The following SLC9B2 variants were observed in gnomAD, a reference collection of about 807,000 sequenced individuals.
SLC9B2 encodes the protein solute carrier family 9 member B2, also known as sodium/hydrogen exchanger 9B2.
SLC9B2 carries 39 observed loss-of-function variants against 52.2 expected under a neutral mutation model. That is an observed-to-expected ratio of 0.75 (90% CI 0.58 to 0.98). The LOEUF is 0.98. Ranked by LOEUF, SLC9B2 falls within the 50% of genes least tolerant of loss-of-function variation. SLC9B2 has a pLI of 0.00. For synonymous variants in SLC9B2, 214 were observed against 227.0 expected (o/e 0.94, Z 0.51); for missense variants, 626 against 637.5 (o/e 0.98, Z 0.19).
downstream of SLC9B2, among the ~76,000 whole-genome samples, chr4:103,020,647 T>C (rs574914241): frequency 7.9e-5 from 12 of 152,282 alleles, 1 homozygote; most frequent in Admixed American, 6.5e-4. Context: ...ATTGGTTTTG[T>C]TGACGTTGTT....
Position 103,044,751 on chromosome 4 carries a change from T to C in SLC9B2, c.996+139A>G, listed in dbSNP as rs1313988439. On this transcript the variant is annotated intron_variant, in intron 8 of 11. Coordinates refer to ENST00000394785, the MANE Select transcript of SLC9B2 (RefSeq NM_178833.7). ...TATTGAGCCCACTTCATAAATCTCATGGATAGCAGTAAGCAATTTTAAAAT... is the reference window on the plus strand; with the variant it reads ...TATTGAGCCCACTTCATAAATCTCACGGATAGCAGTAAGCAATTTTAAAAT... 6 of 704,360 alleles carry C rather than the reference T, an allele frequency of 8.5e-6. No homozygotes were observed. In the East Asian group the frequency reaches 1.5e-4, roughly 18 times the overall value. 43.6% of individuals were successfully genotyped at this position (704,360 alleles called of 1,614,324 possible). A position where few individuals can be genotyped will look rare whatever the true frequency, so the allele number is the denominator to read the frequency against.
At chr4:103,029,762 G>A (rs969974242) in intron 10 of SLC9B2, among the ~76,000 whole-genome samples, 5 of 152,110 alleles carry the variant, frequency 3.3e-5, no homozygotes, top group Non-Finnish European at 1.5e-5. Context: ...TTTGTTGAGT[G>A]TTTACTCTGT....
chr4:103,026,249 A>G lies in SLC9B2; in HGVS notation c.*121T>C, dbSNP rs1368127443. 1 of 911,286 alleles carries G rather than the reference A, an allele frequency of 1.1e-6. No homozygotes were observed. Among genetic ancestry groups the G allele is most frequent in the Admixed American group, 2.7e-5 (1 of 37,324 alleles). The allele number at this position is 911,286 out of a possible 1,614,324, so 56.5% of individuals were successfully genotyped here. ...AGCAAGGGCTAAAAATGCTGTTTAA[A>G]GAAACAGCTACACTTTTGGTTCTAT... On this transcript the variant is annotated 3_prime_UTR_variant, in exon 12 of 12. Transcript: ENST00000394785.
In SLC9B2 at chr4:103,050,347, G is replaced by A; in HGVS notation, c.478C>T (p.Pro160Ser). 1 of 1,605,848 alleles carries A rather than the reference G, an allele frequency of 6.2e-7. No homozygotes were observed. The highest frequency in any genetic ancestry group is 8.5e-7 in the Non-Finnish European group (1 of 1,176,536). ...LLAGFLIRNI[P>S]VINDNVQIKH... ...ATCTGCACATTATCGTTGATGACTGGGATATTTCTGATGAGAAACCCTGCA... is the reference window on the plus strand; with the variant it reads ...ATCTGCACATTATCGTTGATGACTGAGATATTTCTGATGAGAAACCCTGCA... The change falls in exon 5 of 12, where the codon CCA becomes TCA. Residue 160 changes from proline to serine, a missense_variant. Physicochemically the swap from Pro to Ser is moderately conservative, Grantham distance 74. Transcript: ENST00000394785.
chr4:103,041,457 T>C (rs1743634423), intron 9 of SLC9B2, among the ~76,000 whole-genome samples: 1 of 152,234 alleles, frequency 6.6e-6, no homozygotes, highest in African/African-American at 2.4e-5. Context: ...TTTCTCTGAA[T>C]AACAGTGTAA....
chr4:103,072,056 G>GTTTTTGTTTTT (rs1746688559), intron 1 of SLC9B2, among the ~76,000 whole-genome samples: 1 of 95,306 alleles, frequency 1.0e-5, no homozygotes, highest in Non-Finnish European at 1.9e-5. Context: ...TGGCTTTCAT[G>GTTTTTGTTTTT]TTTTTTTTTT....
intron 1 of SLC9B2, among the ~76,000 whole-genome samples, chr4:103,067,844 A>G (rs1024235491): frequency 6.6e-6 from 1 of 152,090 alleles, no homozygotes; most frequent in African/African-American, 2.4e-5. Flanking sequence ...TTTCTTTCCC[A>G]TATTATTTTT....
chr4:103,019,718 C>A (rs1330272280), downstream of SLC9B2: 1 of 985,450 alleles, frequency 1.0e-6, no homozygotes, highest in Non-Finnish European at 1.2e-6. Flanking sequence ...GGATAGACTT[C>A]CGCGCAGGGG....
chr4:103,044,476 A>G (rs971717569), intron 8 of SLC9B2, among the ~76,000 whole-genome samples: 3 of 152,124 alleles, frequency 2.0e-5, no homozygotes, highest in Non-Finnish European at 4.4e-5. Context: ...TCAAACTCCC[A>G]GAGGGATCCT....
At chr4:103,074,242 C>T (rs1746920880) in intron 1 of SLC9B2, among the ~76,000 whole-genome samples, 1 of 152,102 alleles carries the variant, frequency 6.6e-6, no homozygotes, top group Non-Finnish European at 1.5e-5. Context: ...AACATAGAGC[C>T]CTGATATTAC....
intron 7 of SLC9B2, 74 bp from the exon 8 acceptor site, chr4:103,045,070 A>G (rs1390642010): frequency 4.3e-6 from 4 of 931,522 alleles, no homozygotes; most frequent in Non-Finnish European, 5.1e-6. Context: ...AATCATCAAC[A>G]TGAAGCATCT....
Position 103,062,892 on chromosome 4 carries a change from G to A in SLC9B2, c.271+3435C>T, listed in dbSNP as rs541779775. On this transcript the variant is annotated intron_variant, in intron 3 of 11. Transcript: ENST00000394785. The stretch of plus-strand genomic sequence containing the variant: ...CCTAAAGTGCTGGGATTACAGGTTT[G>A]AGCCACTGTGCCCAGCCTACTTTTT... Among the ~76,000 whole-genome samples the A allele has an allele frequency of 2.4e-4, 37 of 152,300 alleles. 1 individual carries two copies. Among genetic ancestry groups the A allele is most frequent in the South Asian group, 1.9e-3 (9 of 4,826 alleles).
At chr4:103,061,254 C>A (rs1221640941) in intron 3 of SLC9B2, among the ~76,000 whole-genome samples, 2 of 150,020 alleles carry the variant, frequency 1.3e-5, no homozygotes, top group Non-Finnish European at 2.9e-5. Flanking sequence ...GACTTGGAAC[C>A]AAGCCAAATG....
chr4:103,048,719 C>T, intron 6 of SLC9B2, 174 bp downstream of exon 6: 2 of 789,402 alleles, frequency 2.5e-6, no homozygotes, highest in Middle Eastern at 4.1e-4. Flanking sequence ...AGAGTTAGCG[C>T]CTATTAACAC....
intron 4 of SLC9B2, among the ~76,000 whole-genome samples, chr4:103,050,946 A>G (rs1289316652): frequency 6.6e-6 from 1 of 152,230 alleles, no homozygotes; most frequent in East Asian, 1.9e-4. Context: ...TCAGTAGTTT[A>G]GACACTAGAG....
chr4:103,043,436 C>T lies in SLC9B2; in HGVS notation c.1006G>A (p.Val336Met), dbSNP rs997814868. 2 of 1,599,316 alleles carry T rather than the reference C, an allele frequency of 1.3e-6. No homozygotes were observed. Among genetic ancestry groups the T allele is most frequent in the African/African-American group, 2.7e-5 (2 of 74,244 alleles). ...AACACAAGGAATGTTCTCTTACACA[C>T]AAGTTTGTCCTTTAGGAGAAAAAAA... Reference protein sequence around the residue: ...YFPSRDQDKLVCKRTFLVLGL... With the variant: ...YFPSRDQDKLMCKRTFLVLGL... The change falls in exon 9 of 12, where the codon GTG becomes ATG. Residue 336 changes from valine (V) to methionine (M), a missense_variant. Coordinates refer to ENST00000394785, the MANE Select transcript of SLC9B2 (RefSeq NM_178833.7).
intron 9 of SLC9B2, among the ~76,000 whole-genome samples, chr4:103,037,570 G>C (rs79017181): frequency 2.0e-5 from 3 of 152,182 alleles, no homozygotes; most frequent in Non-Finnish European, 4.4e-5. Flanking sequence ...GCATATGTGA[G>C]GGCATTGGTT....
chr4:103,029,929 G>A (rs1284147079), intron 10 of SLC9B2, among the ~76,000 whole-genome samples: 1 of 152,242 alleles, frequency 6.6e-6, no homozygotes. Context: ...CAGACATAGC[G>A]GGAGGATCTA....
At chr4:103,019,149 G>A (rs1042400141), downstream of SLC9B2, among the ~76,000 whole-genome samples, 8 of 152,108 alleles carry the variant, frequency 5.3e-5, no homozygotes, top group African/African-American at 1.4e-4. Flanking sequence ...ATTAAGGGGC[G>A]TGGATGTGGG....
Sources: allele counts gnomAD v4.1 joint callset (sites outside exome capture counted in the v4.1 genomes callset), GRCh38; gene constraint gnomAD v4.1.1; transcripts MANE v1.5; gene names NCBI Gene and HGNC (gene_info 2026-07-23, HGNC 2026-07-21).